Variants in KDM4C observed in about 807,000 individuals in gnomAD.
The protein encoded by KDM4C is lysine demethylase 4C.
A neutral mutation model predicts 129.3 loss-of-function variants in KDM4C; 81 were observed. The observed-to-expected ratio is 0.63, with a 90% CI of 0.52 to 0.75. The LOEUF (loss-of-function observed/expected upper bound fraction) is 0.75, where lower values mean the gene tolerates loss of function less well. Among genes scored for constraint, KDM4C ranks in the 30% least tolerant of loss-of-function variants. The pLI is 0.00. For missense variants in KDM4C, 1,457 were observed against 1,304.0 expected (o/e 1.12, Z -1.81); for synonymous variants, 573 against 456.1 (o/e 1.26, Z -3.26).
chr9:7,014,257 G>T (rs2132169010), intron 14 of KDM4C: 2 of 372,260 alleles, frequency 5.4e-6, no homozygotes, highest in South Asian at 5.9e-5. Flanking sequence ...TCCAGTTGAG[G>T]AGTCATGATG....
At chr9:7,132,302 G>A (rs1409586189) in intron 19 of KDM4C, among the ~76,000 whole-genome samples, 1 of 152,162 alleles carries the variant, frequency 6.6e-6, no homozygotes, top group Non-Finnish European at 1.5e-5. Context: ...ATCCTTTAAT[G>A]CAGGCTGGCC....
chr9:7,033,733 T>C (rs540194512), intron 15 of KDM4C, among the ~76,000 whole-genome samples: 1 of 152,330 alleles, frequency 6.6e-6, no homozygotes, highest in East Asian at 1.9e-4. Context: ...TATTCATAAA[T>C]AGCTTCTTGA....
intron 8 of KDM4C, among the ~76,000 whole-genome samples, chr9:6,921,362 A>G (rs1156781346): frequency 1.3e-5 from 2 of 152,194 alleles, no homozygotes; most frequent in African/African-American, 4.8e-5. Flanking sequence ...ACAAACGTTA[A>G]CAAGCCCAGA....
intron 4 of KDM4C, among the ~76,000 whole-genome samples, chr9:6,844,677 T>A (rs1411958786): frequency 2.6e-5 from 4 of 152,202 alleles, no homozygotes; most frequent in Non-Finnish European, 5.9e-5. Context: ...GACCTTGGCA[T>A]CTGATAGGAC....
At chr9:6,961,576 G>T (rs1009025342) in intron 8 of KDM4C, among the ~76,000 whole-genome samples, 1 of 152,138 alleles carries the variant, frequency 6.6e-6, no homozygotes, top group Non-Finnish European at 1.5e-5. Context: ...CATTAGTAAG[G>T]TATAAATTGT....
chr9:6,889,224 T>C (rs865791214), intron 7 of KDM4C, among the ~76,000 whole-genome samples: 22 of 109,266 alleles, frequency 2.0e-4, no homozygotes, highest in African/African-American at 8.3e-4. Flanking sequence ...TGTGTGTGTG[T>C]GTGTGTGTGT....
At position 6,732,162 on chromosome 9, in the gene KDM4C, T is replaced by C. The variant is rs189573041; in HGVS notation, c.49+11165T>C. On this transcript the variant is annotated intron_variant, in intron 1 of 17. Coordinates refer to the KDM4C transcript ENST00000536108. ...TGGGCGGATCACGAGGTCAGGAGAT[T>C]GAGACCATCCTGGCTAACACAGTGA... Among the ~76,000 whole-genome samples, 428 of 150,774 alleles carry C rather than the reference T, an allele frequency of 2.8e-3. 2 individuals carry two copies. Among genetic ancestry groups the C allele is most frequent in the South Asian group, 0.015 (70 of 4,730 alleles).
At chr9:7,148,717 T>C (rs1842445171) in intron 19 of KDM4C, among the ~76,000 whole-genome samples, 1 of 152,204 alleles carries the variant, frequency 6.6e-6, no homozygotes, top group African/African-American at 2.4e-5. Flanking sequence ...AAAGGCTTTA[T>C]TGGATGACCG....
intron 19 of KDM4C, among the ~76,000 whole-genome samples, chr9:7,134,935 G>A (rs193274315): frequency 6.6e-6 from 1 of 152,170 alleles, no homozygotes; most frequent in Non-Finnish European, 1.5e-5. Flanking sequence ...CAAGTTTCGT[G>A]AACTGTCTCT....
chr9:6,734,288 GTTTTTTTTTTTTTT>G (rs57329090), intron 1 of KDM4C, among the ~76,000 whole-genome samples: 1 of 110,298 alleles, frequency 9.1e-6, no homozygotes, highest in Non-Finnish European at 1.8e-5. Context: ...CCCATGTTTG[GTTTTTTTTTTTTTT>G]TTTTTTTTTT....
At chr9:7,048,942 T>A in intron 16 of KDM4C, 150 bp from the exon 17 acceptor site, 2 of 544,066 alleles carry the variant, frequency 3.7e-6, no homozygotes, top group South Asian at 4.2e-5. Flanking sequence ...ATTCAGGAGG[T>A]TTACAGTTCA....
chr9:6,758,106 A>G lies in KDM4C; in HGVS notation c.-115A>G. ...GCGAACAGCTGTCACCTAGTGCGGA[A>G]CAAGTCTCCCAAATTTCCCAAATCT... On this transcript the variant is annotated 5_prime_UTR_variant, in exon 1 of 22. Coordinates refer to ENST00000381309, the MANE Select transcript of KDM4C (RefSeq NM_015061.6). The surrounding 1 kb of genome is among the most constrained non-coding windows in gnomAD (Gnocchi z 4.6). 2 of 985,554 alleles carry G rather than the reference A, an allele frequency of 2.0e-6. No homozygotes were observed. The highest frequency in any genetic ancestry group is 2.4e-6 in the Non-Finnish European group (2 of 830,052). The allele number at this position is 985,554 out of a possible 1,614,324, so 61.1% of individuals were successfully genotyped here.
At chr9:6,915,972 A>C (rs368908587) in intron 8 of KDM4C, among the ~76,000 whole-genome samples, 2 of 152,214 alleles carry the variant, frequency 1.3e-5, no homozygotes, top group African/African-American at 4.8e-5. Flanking sequence ...CAAGGTAATC[A>C]GGGTTATAGG....
chr9:6,987,748 C>A (rs1817978263), intron 11 of KDM4C, among the ~76,000 whole-genome samples: 1 of 151,930 alleles, frequency 6.6e-6, no homozygotes, highest in Admixed American at 6.6e-5. Context: ...AATTGTATAT[C>A]TCATTGAATT....
At position 6,990,524 on chromosome 9, in the gene KDM4C, G is replaced by C. The variant is rs1818539282; in HGVS notation, c.1786G>C (p.Glu596Gln). Reference protein sequence around the residue: ...LVKQQAPSDEELPEVLSIEEE... With the variant: ...LVKQQAPSDEQLPEVLSIEEE... ...GAAGCAGCAGGCGCCAAGTGATGAA[G>C]GTGAGATGGTGACCCTTTTTGGGAT... The change falls in exon 12 of 22, where the codon GAA (glutamate) becomes CAA (glutamine). Residue 596 changes from glutamate (E) to glutamine (Q), a missense_variant and splice_region_variant. By Grantham distance (29) the Glu-to-Gln change is conservative. Coordinates refer to ENST00000381309, the MANE Select transcript of KDM4C (RefSeq NM_015061.6). 6.4e-7 allele frequency: 1 copy of C among 1,574,352 alleles called. No individual in the cohort carries two copies. Among genetic ancestry groups the C allele is most frequent in the South Asian group, 1.2e-5 (1 of 85,192 alleles).
intron 1 of KDM4C, chr9:6,723,863 A>C (rs1343363914): frequency 6.6e-6 from 1 of 152,166 alleles, no homozygotes; most frequent in African/African-American, 2.4e-5. Context: ...TTATTTAGTG[A>C]ACAGTTCACA....
chr9:6,865,655 C>A (rs1273336365), intron 5 of KDM4C, among the ~76,000 whole-genome samples: 1 of 152,168 alleles, frequency 6.6e-6, no homozygotes, highest in African/African-American at 2.4e-5. Context: ...TAACCTCCGC[C>A]TCCCAGTTTC....
chr9:7,032,951 G>A (rs1827027689), intron 15 of KDM4C, among the ~76,000 whole-genome samples: 1 of 152,146 alleles, frequency 6.6e-6, no homozygotes, highest in African/African-American at 2.4e-5. Flanking sequence ...GTTCTGCCTA[G>A]AGGACCTTTC....
At chr9:6,817,029 CAT>C (rs1282439654) in intron 4 of KDM4C, among the ~76,000 whole-genome samples, 1 of 151,850 alleles carries the variant, frequency 6.6e-6, no homozygotes, top group Non-Finnish European at 1.5e-5. Context: ...GTAGAATTGT[CAT>C]ATTGGATGGA....
Sources: gnomAD v4.1 joint callset for allele counts (sites outside exome capture counted in the v4.1 genomes callset) on GRCh38, gnomAD v4.1.1 for gene constraint, Gnocchi (gnomAD v3.1) non-coding constraint, MANE v1.5 for transcripts, NCBI Gene and HGNC (gene_info 2026-07-23, HGNC 2026-07-21) for gene names.